RSRC1: variants seen among roughly 807,000 people sequenced by gnomAD.
RSRC1 encodes the protein serine/Arginine-related protein 53.
Under a neutral mutation model 49.1 loss-of-function variants are expected in RSRC1, and 39 were observed. The observed-to-expected ratio is 0.79, with a 90% CI of 0.61 to 1.04. RSRC1 has a LOEUF of 1.04. Among genes scored for constraint, RSRC1 ranks in the 50% least tolerant of loss-of-function variants. The pLI is 0.00. For synonymous variants in RSRC1, 143 were observed against 130.8 expected (o/e 1.09, Z -0.63); for missense variants, 388 against 402.4 (o/e 0.96, Z 0.31).
chr3:158,442,943 A>G (rs1736462262), intron 6 of RSRC1, among the ~76,000 whole-genome samples: 1 of 152,132 alleles, frequency 6.6e-6, no homozygotes, highest in Non-Finnish European at 1.5e-5. Flanking sequence ...TTGGGTGACC[A>G]GGTATACTGT....
intron 4 of RSRC1, among the ~76,000 whole-genome samples, chr3:158,260,715 G>A (rs1225279301): frequency 6.6e-6 from 1 of 152,174 alleles, no homozygotes. Flanking sequence ...CATATTGACA[G>A]AGCTTGCCAG....
intron 7 of RSRC1, among the ~76,000 whole-genome samples, chr3:158,489,330 CCA>C (rs1738967723): frequency 6.6e-6 from 1 of 152,200 alleles, no homozygotes; most frequent in Non-Finnish European, 1.5e-5. Context: ...GCAGGTTCTT[CCA>C]AGTCCACCCT....
intron 5 of RSRC1, 34 bp downstream of exon 5, chr3:158,298,109 A>G: frequency 2.1e-6 from 3 of 1,450,888 alleles, no homozygotes; most frequent in East Asian, 2.3e-5. Flanking sequence ...CATTTGCATC[A>G]TCTTTGATAT....
intron 6 of RSRC1, among the ~76,000 whole-genome samples, chr3:158,365,751 T>C (rs1272050387): frequency 6.6e-6 from 1 of 152,238 alleles, no homozygotes; most frequent in African/African-American, 2.4e-5. Context: ...TGGATTAATT[T>C]ACACTCCCAC....
chr3:158,432,755 A>G (rs1192073294), intron 6 of RSRC1, among the ~76,000 whole-genome samples: 1 of 151,956 alleles, frequency 6.6e-6, no homozygotes, highest in Non-Finnish European at 1.5e-5. Flanking sequence ...TGCATGTCAC[A>G]TATTTCTCAT....
intron 5 of RSRC1, among the ~76,000 whole-genome samples, chr3:158,318,031 G>T (rs568130155): frequency 2.0e-5 from 3 of 151,314 alleles, no homozygotes; most frequent in East Asian, 3.9e-4. Flanking sequence ...GTGTGCGTGT[G>T]TGTGTGTGTG....
rs141374473 is a variant in RSRC1, at chr3:158,247,255, G to C, written c.494+44010G>C. On this transcript the variant is annotated intron_variant, in intron 4 of 9. Transcript: ENST00000611884. ...AGTTATGTTCCTCTTTAAACTGGCT[G>C]TCAGCTCCTGTATTGTTTTATTCTG... 6.3e-3 allele frequency among the ~76,000 whole-genome samples: 953 copies of C among 152,120 alleles called. 9 individuals are homozygous for C. The highest frequency in any genetic ancestry group is 8.0e-3 in the Non-Finnish European group (541 of 67,974).
chr3:158,158,765 C>T (rs923048867), intron 3 of RSRC1, among the ~76,000 whole-genome samples: 2 of 151,902 alleles, frequency 1.3e-5, no homozygotes, highest in African/African-American at 2.4e-5. Flanking sequence ...CATGGTGAAA[C>T]CCCATCTCCA....
chr3:158,411,311 C>T (rs563540014), intron 6 of RSRC1, among the ~76,000 whole-genome samples: 1 of 151,962 alleles, frequency 6.6e-6, no homozygotes, highest in East Asian at 1.9e-4. Context: ...ATACTCTATA[C>T]CTAAAAGTGG....
At chr3:158,348,059 T>G (rs1348144475) in intron 5 of RSRC1, among the ~76,000 whole-genome samples, 1 of 152,196 alleles carries the variant, frequency 6.6e-6, no homozygotes, top group Admixed American at 6.5e-5. Context: ...TTACCCTATC[T>G]TAATTTCGAT....
At chr3:158,442,876 T>A (rs996563965) in intron 6 of RSRC1, among the ~76,000 whole-genome samples, 1 of 152,106 alleles carries the variant, frequency 6.6e-6, no homozygotes, top group African/African-American at 2.4e-5. Context: ...AAAATGAATG[T>A]TCTGTTAGCA....
chr3:158,316,908 A>C (rs924897362), intron 5 of RSRC1, among the ~76,000 whole-genome samples: 1 of 152,206 alleles, frequency 6.6e-6, no homozygotes, highest in Non-Finnish European at 1.5e-5. Flanking sequence ...TTACTATGTA[A>C]CTTGAGAAAT....
At chr3:158,192,707 C>T (rs1173275595) in intron 3 of RSRC1, among the ~76,000 whole-genome samples, 1 of 151,958 alleles carries the variant, frequency 6.6e-6, no homozygotes, top group Admixed American at 6.6e-5. Flanking sequence ...CATATGTCCC[C>T]CAAATATTTC....
intron 8 of RSRC1, among the ~76,000 whole-genome samples, chr3:158,537,896 CCT>C (rs1441016853): frequency 6.6e-6 from 1 of 151,510 alleles, no homozygotes; most frequent in Non-Finnish European, 1.5e-5. Context: ...GGTTATTTTT[CCT>C]CTGTTATCAA....
rs777632311 is a variant in RSRC1 at position 158,373,583 on chromosome 3, TG to T, written c.583+18678del. ...TTACATTCCTGGGAGAAACATCACT[TG>T]GGCATGATATACTTTTTTTTGTATA... On this transcript the variant is annotated intron_variant, in intron 6 of 9. Transcript: ENST00000611884. Among the ~76,000 whole-genome samples the T allele has an allele frequency of 3.3e-5, 5 of 151,986 alleles. No individual in the cohort carries two copies. In the East Asian group the frequency reaches 7.7e-4, roughly 23 times the overall value.
At chr3:158,337,031 G>T (rs938931291) in intron 5 of RSRC1, among the ~76,000 whole-genome samples, 2 of 152,198 alleles carry the variant, frequency 1.3e-5, no homozygotes, top group African/African-American at 4.8e-5. Flanking sequence ...GGCATGGATA[G>T]GACCCAAGAC....
intron 4 of RSRC1, among the ~76,000 whole-genome samples, chr3:158,295,312 T>C (rs1260157688): frequency 1.3e-5 from 2 of 152,128 alleles, no homozygotes; most frequent in Non-Finnish European, 2.9e-5. Flanking sequence ...AGTAGTTTGT[T>C]GTGGCTGCTG....
At chr3:158,197,983 G>A (rs1720746074) in intron 3 of RSRC1, among the ~76,000 whole-genome samples, 1 of 152,178 alleles carries the variant, frequency 6.6e-6, no homozygotes. Context: ...TTGGGGTGGA[G>A]AGTTCTGTAG....
chr3:158,256,387 G>A (rs375285200), intron 4 of RSRC1, among the ~76,000 whole-genome samples: 6 of 152,246 alleles, frequency 3.9e-5, no homozygotes, highest in Admixed American at 1.3e-4. Flanking sequence ...TGTTGAACTA[G>A]CCTTGCATCC....
Sources: allele counts gnomAD v4.1 joint callset (sites outside exome capture counted in the v4.1 genomes callset), GRCh38; gene constraint gnomAD v4.1.1; transcripts MANE v1.5; gene names NCBI Gene and HGNC (gene_info 2026-07-23, HGNC 2026-07-21).